N4BP2L1: variants seen among roughly 807,000 people sequenced by gnomAD.
The protein encoded by N4BP2L1 is NEDD4-binding protein 2-like 1.
In N4BP2L1, 12 loss-of-function variants were observed where a neutral mutation model predicts 21.2. The ratio of observed to expected loss-of-function variants is 0.57; its 90% CI spans 0.36 to 0.92. N4BP2L1 has a LOEUF of 0.92. Ranked by LOEUF, N4BP2L1 falls within the 40% of genes least tolerant of loss-of-function variation. The probability of loss-of-function intolerance (pLI) is 0.01; values close to 1 mark genes in which losing one functional copy is unlikely to be tolerated. For synonymous variants in N4BP2L1, 104 were observed against 112.8 expected, an observed-to-expected ratio of 0.92 and a Z score of 0.49; for missense variants, 259 against 310.6, an observed-to-expected ratio of 0.83 and a Z score of 1.25.
intron 1 of N4BP2L1, among the ~76,000 whole-genome samples, chr13:32,414,254 A>C (rs946741853): frequency 1.3e-5 from 2 of 152,164 alleles, no homozygotes; most frequent in Non-Finnish European, 2.9e-5. Flanking sequence ...ATTTTTAATG[A>C]TATGGCATAC....
At chr13:32,425,918 T>C (rs2074735247) in intron 1 of N4BP2L1, 1 of 152,076 alleles carries the variant, frequency 6.6e-6, no homozygotes, top group African/African-American at 2.4e-5. Flanking sequence ...GAAGGCACAA[T>C]CTTCAGACTC....
Position 32,421,889 on chromosome 13 carries a change from G to C in N4BP2L1, c.179+6015C>G, listed in dbSNP as rs542476438. Among the ~76,000 whole-genome samples, 4 of 152,164 alleles carry C rather than the reference G, an allele frequency of 2.6e-5. No individual in the cohort carries two copies. In the South Asian group the frequency reaches 8.3e-4, roughly 32 times the overall value. ...TTCTTATTGGGTTCATCCAGAGACT[G>C]AGTGGCCATAGGCGGGTGCTATTAT... On this transcript the variant is annotated intron_variant, in intron 1 of 4. Coordinates refer to ENST00000380130, the MANE Select transcript of N4BP2L1 (RefSeq NM_052818.3).
intron 4 of N4BP2L1, chr13:32,404,096 G>A: frequency 6.6e-7 from 1 of 1,507,480 alleles, no homozygotes; most frequent in Non-Finnish European, 8.9e-7. Context: ...CCTTTTAAAG[G>A]ACCAAGTCCA....
chr13:32,408,180 G>A (rs1265515616), intron 1 of N4BP2L1, among the ~76,000 whole-genome samples: 11 of 152,202 alleles, frequency 7.2e-5, no homozygotes, highest in Non-Finnish European at 1.6e-4. Context: ...ATGGGTGCCA[G>A]ACCCCCATGC....
intron 3 of N4BP2L1, among the ~76,000 whole-genome samples, chr13:32,404,972 A>G (rs2073379844): frequency 6.6e-6 from 1 of 152,176 alleles, no homozygotes; most frequent in Non-Finnish European, 1.5e-5. Context: ...ACATCCAAAT[A>G]TTCTTTGCAT....
intron 1 of N4BP2L1, among the ~76,000 whole-genome samples, chr13:32,426,175 G>T (rs147995734): frequency 8.7e-4 from 132 of 152,156 alleles, no homozygotes; most frequent in African/African-American, 3.0e-3. Context: ...ATGTTACTTC[G>T]CTTCCCAACA....
chr13:32,421,179 T>C (rs958113901), intron 1 of N4BP2L1, among the ~76,000 whole-genome samples: 2 of 152,234 alleles, frequency 1.3e-5, no homozygotes, highest in African/African-American at 4.8e-5. Flanking sequence ...TTTTAGGAGC[T>C]GGACAGAATA....
intron 3 of N4BP2L1, among the ~76,000 whole-genome samples, chr13:32,405,896 T>C (rs1230618617): frequency 0.021 from 1,641 of 78,944 alleles, 71 homozygotes; most frequent in African/African-American, 0.039. Flanking sequence ...TGCCCCCTTT[T>C]TTTTTTTTTT....
In N4BP2L1 at chr13:32,402,528, C is replaced by T; in HGVS notation, c.*414G>A. ...TTTGATAAGTAGCAATGCCCCCCCA[C>T]CACTTCTCTCCACCTTCCCAACTTT... On this transcript the variant is annotated 3_prime_UTR_variant, in exon 5 of 5. Transcript: ENST00000380130. The T allele has an allele frequency of 1.8e-6, 1 of 541,700 alleles. No homozygotes were observed. The highest frequency in any genetic ancestry group is 2.3e-6 in the Non-Finnish European group (1 of 442,598). 33.6% of individuals were successfully genotyped at this position (541,700 alleles called of 1,614,324 possible).
intron 3 of N4BP2L1, 22 bp from the exon 4 acceptor site, chr13:32,404,419 A>G (rs1333005877): frequency 6.5e-7 from 1 of 1,549,780 alleles, no homozygotes; most frequent in Admixed American, 1.7e-5. Flanking sequence ...AAAGTACATA[A>G]AACATTGAAG....
intron 1 of N4BP2L1, among the ~76,000 whole-genome samples, chr13:32,423,697 T>C (rs192138606): frequency 6.6e-6 from 1 of 152,198 alleles, no homozygotes; most frequent in Admixed American, 6.5e-5. Flanking sequence ...ACAAATACCA[T>C]ATGATCCACT....
intron 1 of N4BP2L1, among the ~76,000 whole-genome samples, chr13:32,423,233 A>G (rs1305740392): frequency 6.6e-6 from 1 of 152,246 alleles, no homozygotes; most frequent in African/African-American, 2.4e-5. Context: ...GAAATAATGA[A>G]AAGGTACTTC....
chr13:32,408,119 C>T (rs2073636602), intron 1 of N4BP2L1, among the ~76,000 whole-genome samples: 1 of 152,174 alleles, frequency 6.6e-6, no homozygotes, highest in Non-Finnish European at 1.5e-5. Context: ...GGCACCAATC[C>T]CGGTGCCCAT....
intron 1 of N4BP2L1, among the ~76,000 whole-genome samples, chr13:32,419,906 A>G (rs2074380404): frequency 6.6e-6 from 1 of 152,222 alleles, no homozygotes. Context: ...AACAGATTCC[A>G]TGGCTCAGCA....
At chr13:32,405,778 T>C (rs142178686) in intron 3 of N4BP2L1, among the ~76,000 whole-genome samples, 1,695 of 152,066 alleles carry the variant, frequency 0.011, 30 homozygotes, top group African/African-American at 0.039. Flanking sequence ...TAGCCCCAGA[T>C]GTAAAAAGAA....
At chr13:32,418,850 G>A (rs1358147435) in intron 1 of N4BP2L1, among the ~76,000 whole-genome samples, 2 of 152,138 alleles carry the variant, frequency 1.3e-5, no homozygotes, top group Non-Finnish European at 2.9e-5. Flanking sequence ...TTTTGTTTTG[G>A]CCAATTTCTT....
At position 32,402,557 on chromosome 13, in the gene N4BP2L1, G is replaced by A. The variant is rs1026056648; in HGVS notation, c.*385C>T. The A allele has an allele frequency of 1.1e-5, 11 of 991,210 alleles. No individual in the cohort carries two copies. The highest frequency in any genetic ancestry group is 5.2e-4 in the Middle Eastern group (1 of 1,938). 61.4% of individuals were successfully genotyped at this position (991,210 alleles called of 1,614,324 possible). On this transcript the variant is annotated 3_prime_UTR_variant, in exon 5 of 5. Coordinates refer to ENST00000380130, the MANE Select transcript of N4BP2L1 (RefSeq NM_052818.3). ...TTCTCTCCACCTTCCCAACTTTACC[G>A]ATGGAGATGAATTTCCTGAAAAAAT... is the stretch of plus-strand genomic sequence containing the variant.
At position 32,402,417 on chromosome 13, in the gene N4BP2L1, A is replaced by G. The variant is rs1443957401; in HGVS notation, c.*525T>C. 4.5e-6 allele frequency: 4 copies of G among 880,350 alleles called. No homozygotes were observed. The highest frequency in any genetic ancestry group is 1.2e-4 in the East Asian group (1 of 8,234). 54.5% of individuals were successfully genotyped at this position (880,350 alleles called of 1,614,324 possible). ...TTCCCTTAGATGTATGCTTTCTGGC[A>G]TATTAACATTAAAGGAAAATCAGTA... On this transcript the variant is annotated 3_prime_UTR_variant, in exon 5 of 5. Coordinates refer to ENST00000380130, the MANE Select transcript of N4BP2L1 (RefSeq NM_052818.3).
chr13:32,424,823 A>G (rs1001519243), intron 1 of N4BP2L1: 1 of 152,250 alleles, frequency 6.6e-6, no homozygotes, highest in Non-Finnish European at 1.5e-5. Context: ...AAATTCAAAG[A>G]ATTTAAATAG....
Sources: gnomAD v4.1 joint callset for allele counts (sites outside exome capture counted in the v4.1 genomes callset) on GRCh38, gnomAD v4.1.1 for gene constraint, MANE v1.5 for transcripts, NCBI Gene and HGNC (gene_info 2026-07-23, HGNC 2026-07-21) for gene names.